HHAT: variants seen among roughly 807,000 people sequenced by gnomAD.
The protein encoded by HHAT is protein-cysteine N-palmitoyltransferase HHAT.
HHAT carries 47 observed loss-of-function variants against 70.8 expected under a neutral mutation model. The ratio of observed to expected loss-of-function variants is 0.66; its 90% CI spans 0.53 to 0.85. HHAT has a LOEUF of 0.85. Ranked by LOEUF, HHAT falls within the 40% of genes least tolerant of loss-of-function variation. The probability of loss-of-function intolerance (pLI) is 0.00; values close to 1 mark genes in which losing one functional copy is unlikely to be tolerated. For synonymous variants in HHAT, 228 were observed against 247.6 expected (o/e 0.92, Z 0.74); for missense variants, 609 against 604.8 (o/e 1.01, Z -0.07).
intron 9 of HHAT, among the ~76,000 whole-genome samples, chr1:210,540,871 C>G (rs140135555): frequency 6.6e-6 from 1 of 151,660 alleles, no homozygotes; most frequent in African/African-American, 2.4e-5. Flanking sequence ...CACAGTGTAT[C>G]GCTCTGTTGC....
At position 210,377,009 on chromosome 1, in the gene HHAT, A is replaced by G. The variant is rs114233098; in HGVS notation, c.160-10459A>G. On this transcript the variant is annotated intron_variant, in intron 3 of 11. Transcript: ENST00000261458. Reference sequence around the variant, plus strand: ...TTTGCTATGTCTGCCCACTGCAGAGATGTTCTGTACAAATCAGCTTTCTTG... The same window carrying G: ...TTTGCTATGTCTGCCCACTGCAGAGGTGTTCTGTACAAATCAGCTTTCTTG... 5.0e-3 allele frequency among the ~76,000 whole-genome samples: 757 copies of G among 152,294 alleles called. 8 individuals are homozygous for G. The highest frequency in any genetic ancestry group is 0.018 in the African/African-American group (728 of 41,560).
chr1:210,391,963 G>C (rs1351740756), intron 4 of HHAT, among the ~76,000 whole-genome samples: 1 of 152,012 alleles, frequency 6.6e-6, no homozygotes. Context: ...TCCAACTCCT[G>C]GGTTCAAGCA....
chr1:210,447,091 G>A (rs909195549), intron 7 of HHAT, among the ~76,000 whole-genome samples: 1 of 152,140 alleles, frequency 6.6e-6, no homozygotes, highest in Non-Finnish European at 1.5e-5. Flanking sequence ...ACTCATTTGG[G>A]GTCTGAAGAT....
At chr1:210,505,145 C>T (rs1271125303) in intron 8 of HHAT, among the ~76,000 whole-genome samples, 1 of 152,036 alleles carries the variant, frequency 6.6e-6, no homozygotes, top group Non-Finnish European at 1.5e-5. Flanking sequence ...GTGATACACC[C>T]GCCTCGGCCT....
chr1:210,669,006 C>A (rs1679528341), intron 11 of HHAT, among the ~76,000 whole-genome samples: 1 of 152,176 alleles, frequency 6.6e-6, no homozygotes, highest in South Asian at 2.1e-4. Context: ...AATGCCTGAC[C>A]TCGTGATCCA....
chr1:210,673,612 T>A (rs1200738606), intron 11 of HHAT, among the ~76,000 whole-genome samples: 1 of 148,662 alleles, frequency 6.7e-6, no homozygotes, highest in African/African-American at 2.5e-5. Context: ...TTTAAACCAA[T>A]ACTGGGTCTA....
chr1:210,649,337 G>A (rs901890549), intron 11 of HHAT, among the ~76,000 whole-genome samples: 2 of 152,218 alleles, frequency 1.3e-5, no homozygotes, highest in Non-Finnish European at 2.9e-5. Context: ...TAATTGCCAC[G>A]GGAAATTGGC....
intron 11 of HHAT, among the ~76,000 whole-genome samples, chr1:210,660,743 A>C (rs998208377): frequency 9.9e-5 from 15 of 152,124 alleles, no homozygotes; most frequent in Non-Finnish European, 1.6e-4. Context: ...CAGAACAGAC[A>C]CCTCAGAAAT....
At chr1:210,660,099 C>T (rs184439352) in intron 11 of HHAT, among the ~76,000 whole-genome samples, 3 of 152,218 alleles carry the variant, frequency 2.0e-5, no homozygotes, top group African/African-American at 7.2e-5. Context: ...AAAGGGTATT[C>T]AATTAGGAAA....
Position 210,469,437 on chromosome 1 carries a change from C to T in HHAT, c.1007+4782C>T, listed in dbSNP as rs1018938696. Among the ~76,000 whole-genome samples the T allele has an allele frequency of 2.6e-5, 4 of 152,188 alleles. 1 individual carries two copies. The highest frequency in any genetic ancestry group is 4.1e-4 in the South Asian group (2 of 4,820). ...TCCCTGTGCTAAAGTACATCCACCC[C>T]GACAAATCTCCTTATTCCTCAGTTT... On this transcript the variant is annotated intron_variant, in intron 8 of 11. Coordinates refer to ENST00000261458, the MANE Select transcript of HHAT (RefSeq NM_018194.6).
intron 7 of HHAT, among the ~76,000 whole-genome samples, chr1:210,430,689 G>A (rs1199745685): frequency 1.3e-5 from 2 of 151,770 alleles, no homozygotes; most frequent in Non-Finnish European, 2.9e-5. Context: ...TTTTCTCTTA[G>A]GGTGGAGGTA....
intron 3 of HHAT, among the ~76,000 whole-genome samples, chr1:210,383,064 G>A (rs1300890638): frequency 6.6e-6 from 1 of 152,208 alleles, no homozygotes; most frequent in African/African-American, 2.4e-5. Context: ...TTCAGGCCGG[G>A]CACGGTGGCT....
intron 3 of HHAT, among the ~76,000 whole-genome samples, chr1:210,376,630 TC>T (rs2090243200): frequency 6.6e-6 from 1 of 152,206 alleles, no homozygotes; most frequent in African/African-American, 2.4e-5. Flanking sequence ...CTTCTCTGTC[TC>T]TATTCCCAGT....
At chr1:210,407,489 T>G (rs962335116) in intron 6 of HHAT, among the ~76,000 whole-genome samples, 8 of 152,112 alleles carry the variant, frequency 5.3e-5, no homozygotes, top group Non-Finnish European at 1.0e-4. Flanking sequence ...CAAATGACAA[T>G]GTTAGTTTTA....
chr1:210,371,060 G>A (rs2089527870), intron 3 of HHAT, among the ~76,000 whole-genome samples: 1 of 152,182 alleles, frequency 6.6e-6, no homozygotes, highest in Admixed American at 6.5e-5. Context: ...TAGACAAAAG[G>A]TCATGTACTG....
intron 8 of HHAT, among the ~76,000 whole-genome samples, chr1:210,509,115 T>C (rs1020304434): frequency 1.3e-5 from 2 of 152,242 alleles, no homozygotes; most frequent in Non-Finnish European, 2.9e-5. Flanking sequence ...GCAATTACTT[T>C]TGCACCAACT....
At chr1:210,374,221 T>G (rs751568468) in intron 3 of HHAT, 1 of 152,032 alleles carries the variant, frequency 6.6e-6, no homozygotes, top group Non-Finnish European at 1.5e-5. Context: ...CACGGAAATC[T>G]TTAGTAAAAG....
intron 11 of HHAT, among the ~76,000 whole-genome samples, chr1:210,660,719 A>G (rs1677503518): frequency 6.6e-6 from 1 of 152,206 alleles, no homozygotes; most frequent in Non-Finnish European, 1.5e-5. Flanking sequence ...AAACAGAGAT[A>G]TAGACCAATG....
chr1:210,376,352 C>G (rs1202085266), intron 3 of HHAT, among the ~76,000 whole-genome samples: 3 of 152,168 alleles, frequency 2.0e-5, no homozygotes, highest in Non-Finnish European at 4.4e-5. Context: ...TCACCATTCA[C>G]AATCCCCTTA....
Sources: gnomAD v4.1 joint callset for allele counts (sites outside exome capture counted in the v4.1 genomes callset) on GRCh38, gnomAD v4.1.1 for gene constraint, MANE v1.5 for transcripts, NCBI Gene and HGNC (gene_info 2026-07-23, HGNC 2026-07-21) for gene names.